DNAH6: variants seen among roughly 807,000 people sequenced by gnomAD.
The protein encoded by DNAH6 is dynein axonemal heavy chain 6.
Under a neutral mutation model 491.4 loss-of-function variants are expected in DNAH6, and 340 were observed. The ratio of observed to expected loss-of-function variants is 0.69; its 90% CI spans 0.63 to 0.76. The LOEUF is 0.76. DNAH6 is among the 30% of genes least tolerant of loss of function. DNAH6 has a pLI of 0.00. For synonymous variants in DNAH6, 1,603 were observed against 1,686.1 expected, an observed-to-expected ratio of 0.95 and a Z score of 1.21; for missense variants, 4,443 against 4,972.2, an observed-to-expected ratio of 0.89 and a Z score of 3.20.
intron 5 of DNAH6, among the ~76,000 whole-genome samples, chr2:84,546,070 T>G (rs1426291040): frequency 6.6e-6 from 1 of 152,142 alleles, no homozygotes; most frequent in African/African-American, 2.4e-5. Flanking sequence ...ACTCTCTATT[T>G]CTTTCTGACC....
At chr2:84,699,517 G>A in intron 47 of DNAH6, 77 bp from the exon 48 acceptor site, 1 of 1,282,934 alleles carries the variant, frequency 7.8e-7, no homozygotes, top group Non-Finnish European at 1.1e-6. Context: ...GGGAGCCTCA[G>A]ATGCATTAGC....
At chr2:84,536,739 CAA>C (rs1352110314) in intron 4 of DNAH6, among the ~76,000 whole-genome samples, 2 of 151,966 alleles carry the variant, frequency 1.3e-5, no homozygotes, top group African/African-American at 4.8e-5. Context: ...GCTACTTTTA[CAA>C]AGTTTCTTAG....
intron 62 of DNAH6, among the ~76,000 whole-genome samples, chr2:84,742,284 G>C (rs1672596741): frequency 6.6e-6 from 1 of 152,130 alleles, no homozygotes; most frequent in Non-Finnish European, 1.5e-5. Context: ...TCATCATTAT[G>C]TTTTTGGTGT....
chr2:84,748,788 G>C (rs1231357513), intron 63 of DNAH6, among the ~76,000 whole-genome samples: 1 of 152,138 alleles, frequency 6.6e-6, no homozygotes. Flanking sequence ...ATTTTGCATT[G>C]CTATTTAGAA....
chr2:84,669,384 CCG>C lies in DNAH6; in HGVS notation c.6181_6182del (p.Asp2062CysfsTer5). On this transcript the variant is annotated frameshift_variant, in exon 38 of 77. Transcript: ENST00000389394. LOFTEE classifies it high-confidence loss of function. Reference protein sequence around the residue: ...ERIIPTFKYNRDVPFFEMLVP... With the variant: ...ERIIPTFKYNXDVPFFEMLVP... ...GAATCATACCTACTTTCAAATACAACCGAGATGTTCCATTTTTTGAAATGCTT... is the reference window on the plus strand; with the variant it reads ...GAATCATACCTACTTTCAAATACAACAGATGTTCCATTTTTTGAAATGCTT... 1 of 1,551,966 alleles carries C rather than the reference CCG, an allele frequency of 6.4e-7. No individual in the cohort carries two copies. Among genetic ancestry groups the C allele is most frequent in the South Asian group, 1.2e-5 (1 of 84,062 alleles).
intron 57 of DNAH6, among the ~76,000 whole-genome samples, chr2:84,714,870 A>G (rs1479839731): frequency 6.6e-6 from 1 of 151,162 alleles, no homozygotes; most frequent in Admixed American, 6.6e-5. Flanking sequence ...AATATTACAA[A>G]ATTACAATAT....
At chr2:84,631,246 CCAAA>C (rs1328047443) in intron 29 of DNAH6, among the ~76,000 whole-genome samples, 1 of 152,076 alleles carries the variant, frequency 6.6e-6, no homozygotes, top group East Asian at 1.9e-4. Flanking sequence ...AGAATGCTGT[CCAAA>C]CCACAAAAAA....
At chr2:84,745,680 A>AG (rs1672905634) in intron 63 of DNAH6, among the ~76,000 whole-genome samples, 1 of 150,864 alleles carries the variant, frequency 6.6e-6, no homozygotes, top group African/African-American at 2.4e-5. Flanking sequence ...AAAAAAAAAA[A>AG]AAAAGAAACA....
chr2:84,522,523 G>A (rs1012379798), intron 2 of DNAH6, among the ~76,000 whole-genome samples: 4 of 152,080 alleles, frequency 2.6e-5, no homozygotes, highest in Non-Finnish European at 5.9e-5. Flanking sequence ...GAATAGGAGT[G>A]GTGAGAGAGG....
chr2:84,797,662 T>C lies in DNAH6; in HGVS notation c.11481+4T>C. On this transcript the variant is annotated splice_donor_region_variant and intron_variant, in intron 70 of 76. Transcript: ENST00000389394. ...AAATGCTAATCTAGTCTTCCAGGTA[T>C]GTGGCCTTTCATCTTAAAATACATA... 6.4e-7 allele frequency: 1 copy of C among 1,550,646 alleles called. No homozygotes were observed. Among genetic ancestry groups the C allele is most frequent in the Non-Finnish European group, 8.7e-7 (1 of 1,146,236 alleles).
intron 4 of DNAH6, among the ~76,000 whole-genome samples, chr2:84,536,862 A>G (rs1677740875): frequency 6.6e-6 from 1 of 152,030 alleles, no homozygotes; most frequent in African/African-American, 2.4e-5. Flanking sequence ...TGAGCTAGAC[A>G]TAATTGGAAG....
chr2:84,557,949 G>C lies in DNAH6; in HGVS notation c.1803+14G>C. 6.6e-7 allele frequency: 1 copy of C among 1,518,126 alleles called. No homozygotes were observed. The highest frequency in any genetic ancestry group is 2.3e-5 in the East Asian group (1 of 44,020). The allele number at this position is 1,518,126 out of a possible 1,614,324, so 94.0% of individuals were successfully genotyped here. On this transcript the variant is annotated intron_variant, in intron 11 of 76. Coordinates refer to ENST00000389394, the MANE Select transcript of DNAH6 (RefSeq NM_001370.2). ...TCTCAAATAAAGGTATGTTTACTCT[G>C]ACTAAAACTATTCTATAATATTCTC...
At chr2:84,591,918 A>G (rs1280540012) in intron 16 of DNAH6, among the ~76,000 whole-genome samples, 2 of 152,192 alleles carry the variant, frequency 1.3e-5, no homozygotes, top group Non-Finnish European at 2.9e-5. Context: ...AATGAAGCTG[A>G]ACCCTTACAC....
rs145567022 is a variant in DNAH6, at chr2:84,574,995, A to G, written c.1924+1408A>G. Among the ~76,000 whole-genome samples, 7 of 152,040 alleles carry G rather than the reference A, an allele frequency of 4.6e-5. No individual in the cohort carries two copies. In the East Asian group the frequency reaches 1.2e-3, roughly 25 times the overall value. On this transcript the variant is annotated intron_variant, in intron 12 of 76. Coordinates refer to ENST00000389394, the MANE Select transcript of DNAH6 (RefSeq NM_001370.2). ...TTGCCAGTCCTGCCTTTGAAACCCA[A>G]TCCTGGAACCAGGTCTCCCAGTCCC...
intron 45 of DNAH6, among the ~76,000 whole-genome samples, chr2:84,691,040 ATAG>A (rs932100748): frequency 2.8e-4 from 43 of 152,248 alleles, no homozygotes; most frequent in African/African-American, 1.0e-3. Flanking sequence ...CACTCCAAAG[ATAG>A]TAGAACAAAT....
In DNAH6 at chr2:84,598,096, C is replaced by CTTTCTA. The variant is rs1401642003; in HGVS notation, c.2868+2308_2868+2309insTTCTAT. Among the ~76,000 whole-genome samples the CTTTCTA allele has an allele frequency of 1.4e-3, 198 of 141,050 alleles. 1 individual carries two copies. Among genetic ancestry groups the CTTTCTA allele is most frequent in the African/African-American group, 5.9e-3 (191 of 32,356 alleles). The allele number at this position is 141,050 out of a possible 152,430, so 92.5% of individuals were successfully genotyped here. ...TAGTGAGAAAGTGAACTCGTGGTTA[C>CTTTCTA]TCGTGGAACTCGTGGTTCTTTCTAT... On this transcript the variant is annotated intron_variant, in intron 18 of 76. Coordinates refer to ENST00000389394, the MANE Select transcript of DNAH6 (RefSeq NM_001370.2).
At chr2:84,730,270 C>A (rs1699014432) in intron 61 of DNAH6, among the ~76,000 whole-genome samples, 1 of 152,154 alleles carries the variant, frequency 6.6e-6, no homozygotes, top group Non-Finnish European at 1.5e-5. Flanking sequence ...TGAACCACAA[C>A]AGTTAGAGTT....
At chr2:84,478,321 G>A in the DNAH6 span, among the ~76,000 whole-genome samples, 14 of 152,326 alleles carry the variant, frequency 9.2e-5, no homozygotes, top group African/African-American at 2.6e-4. Context: ...ACCACTGGGC[G>A]ATTTGAGCAG....
At chr2:84,777,416 T>C (rs2105205344) in intron 64 of DNAH6, 2 of 559,420 alleles carry the variant, frequency 3.6e-6, no homozygotes, top group East Asian at 6.8e-5. Flanking sequence ...CTTTATTCCA[T>C]AGAGACCCTT....
Sources: allele counts gnomAD v4.1 joint callset (sites outside exome capture counted in the v4.1 genomes callset), GRCh38; gene constraint gnomAD v4.1.1; transcripts MANE v1.5; gene names NCBI Gene and HGNC (gene_info 2026-07-23, HGNC 2026-07-21).